Variants in KSR2 observed in about 807,000 individuals in gnomAD.
The protein encoded by KSR2 is kinase suppressor of ras 2.
A neutral mutation model predicts 107.8 loss-of-function variants in KSR2; 25 were observed. The ratio of observed to expected loss-of-function variants is 0.23; its 90% CI spans 0.17 to 0.32. The LOEUF is 0.32. KSR2 is among the 10% of genes least tolerant of loss of function. The pLI is 1.00. For missense variants in KSR2, 887 were observed against 1,268.9 expected (o/e 0.70, Z 4.57); for synonymous variants, 480 against 507.0 (o/e 0.95, Z 0.71).
intron 10 of KSR2, among the ~76,000 whole-genome samples, chr12:117,533,555 C>T (rs571502244): frequency 5.1e-4 from 78 of 152,362 alleles, no homozygotes; most frequent in African/African-American, 1.9e-3. Context: ...GAAAATCACC[C>T]TCCATGACTT....
intron 4 of KSR2, among the ~76,000 whole-genome samples, chr12:117,740,631 T>C (rs1247716588): frequency 7.5e-6 from 1 of 133,102 alleles, no homozygotes; most frequent in African/African-American, 2.7e-5. Context: ...ATTATATATG[T>C]AATATATACA....
chr12:117,761,160 C>T lies in KSR2; in HGVS notation c.837G>A (p.Met279Ile), dbSNP rs767653716. The T allele has an allele frequency of 6.2e-7, 1 of 1,606,452 alleles. No individual in the cohort carries two copies. The highest frequency in any genetic ancestry group is 2.2e-5 in the East Asian group (1 of 44,522). The change falls in exon 4 of 20, where the codon ATG (methionine) becomes ATA (isoleucine). Residue 279 changes from methionine to isoleucine, a missense_variant. Physicochemically the swap from Met to Ile is conservative, Grantham distance 10. This residue lies in a region of KSR2 where 399 missense variants were observed against 479.5 expected (regional missense o/e 0.83). Transcript: ENST00000339824. ...GGGGCTTCAGCTTGTTCTTCTTCCT[C>T]ATGGGCGGCGTGCCCGGCGGGGTCA... is the stretch of plus-strand genomic sequence containing the variant. The part of the protein sequence containing the change: ...TTVTPPGTPP[M>I]RKKNKLKPPG...
intron 4 of KSR2, among the ~76,000 whole-genome samples, chr12:117,723,332 A>T (rs1480121017): frequency 1.3e-5 from 2 of 152,210 alleles, no homozygotes; most frequent in Admixed American, 1.3e-4. Context: ...TACTTCCATG[A>T]GTTTAGATTT....
At chr12:117,951,452 C>T (rs1294151832) in intron 1 of KSR2, among the ~76,000 whole-genome samples, 1 of 152,124 alleles carries the variant, frequency 6.6e-6, no homozygotes, top group Admixed American at 6.6e-5. Flanking sequence ...TGCTCAAGTC[C>T]AAGCCACCAA....
intron 5 of KSR2, among the ~76,000 whole-genome samples, chr12:117,613,892 T>C (rs561387911): frequency 6.6e-6 from 1 of 152,300 alleles, no homozygotes; most frequent in African/African-American, 2.4e-5. Context: ...CCTTGAATTG[T>C]ACCTCCCAAG....
intron 14 of KSR2, among the ~76,000 whole-genome samples, chr12:117,502,536 G>A (rs184378890): frequency 2.0e-5 from 3 of 152,104 alleles, no homozygotes; most frequent in Non-Finnish European, 2.9e-5. Flanking sequence ...AATGGGTATC[G>A]AATCGATTCC....
Position 117,476,522 on chromosome 12 carries a change from G to T in KSR2, c.2524C>A (p.Pro842Thr), listed in dbSNP as rs1451286939. The T allele has an allele frequency of 6.2e-7, 1 of 1,609,642 alleles. No homozygotes were observed. The highest frequency in any genetic ancestry group is 2.2e-5 in the East Asian group (1 of 44,714). ...LAPEIIRQLS[P>T]DTEEDKLPFS... ...GGGAGCTTATCCTCCTCTGTGTCGG[G>T]GGACAGCTGGCGGATGATCTCTGGT... Residue 842 changes from proline to threonine, a missense_variant, in exon 17 of 20, where the codon CCC (proline) becomes ACC (threonine). Around this residue, in one of 8 missense-constraint regions of KSR2, gnomAD observed 308 missense variants for 506.2 expected, o/e 0.61. Transcript: ENST00000339824.
intron 1 of KSR2, among the ~76,000 whole-genome samples, chr12:117,866,038 C>CTTTTTT (rs397838492): frequency 0.16 from 19,917 of 123,294 alleles, 2,230 homozygotes; most frequent in African/African-American, 0.32. Context: ...TAATCTCTCT[C>CTTTTTT]TTTTTTTTTT....
At chr12:117,514,977 T>C (rs1874274276) in intron 14 of KSR2, among the ~76,000 whole-genome samples, 2 of 152,316 alleles carry the variant, frequency 1.3e-5, no homozygotes, top group Admixed American at 6.5e-5. Flanking sequence ...ATTAGGAATG[T>C]CACTCCCTTC....
At chr12:117,798,398 CA>C (rs1363995692) in intron 3 of KSR2, among the ~76,000 whole-genome samples, 5 of 152,152 alleles carry the variant, frequency 3.3e-5, no homozygotes, top group African/African-American at 1.2e-4. Flanking sequence ...TTTGGGAGGC[CA>C]AGGCAGGCGG....
At chr12:117,785,441 A>AG (rs1890034959) in intron 3 of KSR2, among the ~76,000 whole-genome samples, 2 of 150,030 alleles carry the variant, frequency 1.3e-5, no homozygotes, top group Non-Finnish European at 3.0e-5. Context: ...AAAAAAAAAA[A>AG]AAGCAATCAA....
At chr12:117,566,100 T>A (rs1297432703) in intron 7 of KSR2, among the ~76,000 whole-genome samples, 1 of 152,134 alleles carries the variant, frequency 6.6e-6, no homozygotes, top group East Asian at 1.9e-4. Flanking sequence ...GTTATTTTTT[T>A]TTTTTGCAAC....
intron 3 of KSR2, among the ~76,000 whole-genome samples, chr12:117,853,694 AAGAG>A (rs1342457578): frequency 6.6e-6 from 1 of 151,956 alleles, no homozygotes; most frequent in Non-Finnish European, 1.5e-5. Flanking sequence ...ACTGTGGGTA[AAGAG>A]AGAAAGTCAC....
At position 117,455,958 on chromosome 12, in the gene KSR2, G is replaced by A. The variant is rs1870597151; in HGVS notation, c.*11241C>T. ...GAAGTGGAGTCAGAGAAGCTCATGT[G>A]ACAGCATGCCTGACATGCCACCATA... is the stretch of plus-strand genomic sequence containing the variant. On this transcript the variant is annotated 3_prime_UTR_variant, in exon 20 of 20. Transcript: ENST00000339824. The A allele has an allele frequency of 6.6e-6, 1 of 152,214 alleles. No individual in the cohort carries two copies. The highest frequency in any genetic ancestry group is 6.5e-5 in the Admixed American group (1 of 15,280). 9.4% of individuals were successfully genotyped at this position (152,214 alleles called of 1,614,324 possible).
intron 4 of KSR2, among the ~76,000 whole-genome samples, chr12:117,717,708 T>TGTGC (rs1555231267): frequency 4.4e-5 from 4 of 90,340 alleles, no homozygotes; most frequent in Admixed American, 1.2e-4. Flanking sequence ...TGTGTGTGTG[T>TGTGC]GTGTGCATGC....
intron 1 of KSR2, among the ~76,000 whole-genome samples, chr12:117,930,883 C>T (rs1895677124): frequency 6.6e-6 from 1 of 152,180 alleles, no homozygotes. Context: ...CACCGCACTC[C>T]AGCCTGGGCA....
At chr12:117,767,299 C>T (rs1484418128) in intron 3 of KSR2, among the ~76,000 whole-genome samples, 5 of 149,578 alleles carry the variant, frequency 3.3e-5, no homozygotes, top group African/African-American at 4.9e-5. Flanking sequence ...GTGGCGGGCG[C>T]GTGTAGTCCC....
intron 1 of KSR2, among the ~76,000 whole-genome samples, chr12:117,929,742 G>C (rs1471687621): frequency 6.6e-6 from 1 of 152,216 alleles, no homozygotes. Flanking sequence ...TAGGTTAAGT[G>C]AAAGAAGCCA....
intron 4 of KSR2, among the ~76,000 whole-genome samples, chr12:117,753,116 T>C (rs986673469): frequency 5.9e-5 from 9 of 152,362 alleles, no homozygotes; most frequent in African/African-American, 2.2e-4. Context: ...TTGATAACTC[T>C]CCATGCCTAT....
Sources: allele counts gnomAD v4.1 joint callset (sites outside exome capture counted in the v4.1 genomes callset), GRCh38; gene constraint gnomAD v4.1.1; regional missense constraint gnomAD v4.1.1; transcripts MANE v1.5; gene names NCBI Gene and HGNC (gene_info 2026-07-23, HGNC 2026-07-21).